Variants in ROBO2 observed in about 807,000 individuals in gnomAD.
ROBO2 encodes the protein roundabout homolog 2.
ROBO2 carries 53 observed loss-of-function variants against 160.8 expected under a neutral mutation model. The ratio of observed to expected loss-of-function variants is 0.33; its 90% CI spans 0.26 to 0.41. The LOEUF is 0.41. ROBO2 is among the 10% of genes least tolerant of loss of function. The pLI, the probability that ROBO2 is intolerant of heterozygous loss-of-function variation, is 1.00. For synonymous variants in ROBO2, 664 were observed against 611.7 expected, an observed-to-expected ratio of 1.09 and a Z score of -1.26; for missense variants, 1,577 against 1,722.4, an observed-to-expected ratio of 0.92 and a Z score of 1.49.
At chr3:76,063,515 A>AT (rs113318539) in intron 2 of ROBO2, among the ~76,000 whole-genome samples, 162 of 142,056 alleles carry the variant, frequency 1.1e-3, no homozygotes, top group Middle Eastern at 7.2e-3. Flanking sequence ...GACCAATTTT[A>AT]TTTTTTTTTT....
In ROBO2 at chr3:77,190,009, C is replaced by T. The variant is rs137906103; in HGVS notation, c.388+91669C>T. 4.2e-3 allele frequency among the ~76,000 whole-genome samples: 645 copies of T among 151,950 alleles called. 7 individuals are homozygous for T. The highest frequency in any genetic ancestry group is 0.015 in the African/African-American group (614 of 41,510). The stretch of plus-strand genomic sequence containing the variant: ...AGGTTACTGGTGTTAGCACTCTTGT[C>T]CGTGATCTTTATAAAGTATACACTT... On this transcript the variant is annotated intron_variant, in intron 2 of 25. Transcript: ENST00000461745.
chr3:76,837,916 G>T (rs1161712370), intron 2 of ROBO2, among the ~76,000 whole-genome samples: 1 of 151,848 alleles, frequency 6.6e-6, no homozygotes, highest in Non-Finnish European at 1.5e-5. Context: ...TAGTTGTCTT[G>T]TTTCTTAGTG....
At chr3:76,965,491 C>A (rs576234720) in intron 2 of ROBO2, among the ~76,000 whole-genome samples, 1 of 152,116 alleles carries the variant, frequency 6.6e-6, no homozygotes, top group Non-Finnish European at 1.5e-5. Flanking sequence ...ACAGCAGAAC[C>A]AGTTCCCTAC....
chr3:77,039,750 C>T (rs1052443082), upstream of ROBO2: 2 of 152,654 alleles, frequency 1.3e-5, no homozygotes, highest in South Asian at 2.1e-4. Context: ...CCGCCCCTCC[C>T]CGGGCCGACT....
At chr3:76,715,079 G>C (rs1200661567) in intron 2 of ROBO2, among the ~76,000 whole-genome samples, 1 of 152,056 alleles carries the variant, frequency 6.6e-6, no homozygotes, top group African/African-American at 2.4e-5. Flanking sequence ...TTTGCACAAT[G>C]ATTAGGGATA....
chr3:77,018,648 G>T (rs2062432428), intron 2 of ROBO2, among the ~76,000 whole-genome samples: 1 of 151,998 alleles, frequency 6.6e-6, no homozygotes, highest in African/African-American at 2.4e-5. Context: ...ATTGTTATAA[G>T]GTTTTGGAAC....
intron 2 of ROBO2, among the ~76,000 whole-genome samples, chr3:76,424,992 GT>G (rs2076151514): frequency 6.6e-6 from 1 of 152,112 alleles, no homozygotes; most frequent in African/African-American, 2.4e-5. Flanking sequence ...TGTCTCTGGT[GT>G]TTTTGTAGGT....
intron 2 of ROBO2, among the ~76,000 whole-genome samples, chr3:76,620,429 T>C (rs1465846005): frequency 6.6e-6 from 1 of 152,124 alleles, no homozygotes; most frequent in Non-Finnish European, 1.5e-5. Context: ...GCAAAAAAAA[T>C]GGTATGTTCG....
intron 2 of ROBO2, among the ~76,000 whole-genome samples, chr3:76,049,401 A>ATTTTT (rs1306305555): frequency 8.6e-4 from 55 of 63,714 alleles, no homozygotes; most frequent in South Asian, 2.1e-3. Flanking sequence ...ATATATATAT[A>ATTTTT]TATTTTTTTT....
At chr3:77,050,620 AG>A (rs2065129325) in intron 1 of ROBO2, among the ~76,000 whole-genome samples, 1 of 151,530 alleles carries the variant, frequency 6.6e-6, no homozygotes, top group Non-Finnish European at 1.5e-5. Context: ...AAATTGACTA[AG>A]AAGAGTTACA....
chr3:76,552,195 G>A (rs1006258942), intron 2 of ROBO2, among the ~76,000 whole-genome samples: 19 of 152,132 alleles, frequency 1.2e-4, no homozygotes, highest in Non-Finnish European at 1.5e-4. Context: ...AAGTATACAG[G>A]AGGATACACA....
At chr3:77,439,962 T>C (rs1267373782) in intron 2 of ROBO2, among the ~76,000 whole-genome samples, 1 of 152,162 alleles carries the variant, frequency 6.6e-6, no homozygotes, top group Non-Finnish European at 1.5e-5. Flanking sequence ...AAATATTTAT[T>C]GAATGAATGA....
rs1472959038 is a variant in ROBO2 at position 77,458,408 on chromosome 3, TAGA to T, written c.389-19003_389-19001del. 2.0e-5 allele frequency among the ~76,000 whole-genome samples: 3 copies of T among 152,254 alleles called. No homozygotes were observed. The East Asian group carries it at 5.8e-4, about 29-fold the overall frequency. ...GGAGACAGAAAAGATTGAGGCTGGC[TAGA>T]AGGTTTGGGTTTGTTGGAAGAAGAA... On this transcript the variant is annotated intron_variant, in intron 2 of 25. Transcript: ENST00000461745.
chr3:77,014,988 C>G (rs1048375141), intron 2 of ROBO2, among the ~76,000 whole-genome samples: 1 of 151,828 alleles, frequency 6.6e-6, no homozygotes, highest in African/African-American at 2.4e-5. Flanking sequence ...GGTTTGAAGA[C>G]AGATGTTCCT....
In ROBO2 at chr3:77,640,097, A is replaced by ATTTTTTTTTTTTTT. The variant is rs71104695; in HGVS notation, c.3935-4588_3935-4575dup. Among the ~76,000 whole-genome samples the ATTTTTTTTTTTTTT allele has an allele frequency of 8.1e-4, 53 of 65,484 alleles. 5 individuals carry two copies. Among genetic ancestry groups the ATTTTTTTTTTTTTT allele is most frequent in the South Asian group, 1.8e-3 (2 of 1,114 alleles). The allele number at this position is 65,484 out of a possible 152,430, so 43.0% of individuals were successfully genotyped here. A position where few individuals can be genotyped will look rare whatever the true frequency, so the allele number is the denominator to read the frequency against. On this transcript the variant is annotated intron_variant, in intron 24 of 25. Coordinates refer to ENST00000461745, the Ensembl canonical transcript of ROBO2. Reference sequence around the variant, plus strand: ...AGAGAAGAAACACTGCAGAGGAAGCATTTTTTTTTTTTTTTTTTTTTTTTT... The same window carrying ATTTTTTTTTTTTTT: ...AGAGAAGAAACACTGCAGAGGAAGCATTTTTTTTTTTTTTTTTTTTTTTTTTTTTTTTTTTTTTT...
intron 2 of ROBO2, among the ~76,000 whole-genome samples, chr3:76,860,728 A>G (rs1470650746): frequency 6.6e-6 from 1 of 151,956 alleles, no homozygotes; most frequent in African/African-American, 2.4e-5. Context: ...CCTCTTTACT[A>G]TATATAATCA....
At chr3:77,303,414 T>C (rs1394561986) in intron 2 of ROBO2, among the ~76,000 whole-genome samples, 1 of 152,196 alleles carries the variant, frequency 6.6e-6, no homozygotes, top group Non-Finnish European at 1.5e-5. Flanking sequence ...GGTAGGTTTC[T>C]TTTGATATCA....
intron 2 of ROBO2, among the ~76,000 whole-genome samples, chr3:77,475,083 G>GAGA (rs1375538656): frequency 1.3e-5 from 2 of 151,446 alleles, no homozygotes; most frequent in Non-Finnish European, 2.9e-5. Context: ...GAGAGAGAGA[G>GAGA]AAGAAACATA....
At chr3:77,554,996 T>C (rs2093058949) in intron 8 of ROBO2, among the ~76,000 whole-genome samples, 10 of 151,958 alleles carry the variant, frequency 6.6e-5, no homozygotes, top group Admixed American at 5.9e-4. Flanking sequence ...GTAAGCTTTA[T>C]TGTCTTATTT....
Sources: gnomAD v4.1 joint callset for allele counts (sites outside exome capture counted in the v4.1 genomes callset) on GRCh38, gnomAD v4.1.1 for gene constraint, MANE v1.5 for transcripts, NCBI Gene and HGNC (gene_info 2026-07-23, HGNC 2026-07-21) for gene names.